ERGIC1: variants seen among roughly 807,000 people sequenced by gnomAD.
ERGIC1 encodes the protein endoplasmic reticulum-golgi intermediate compartment 1.
A neutral mutation model predicts 38.3 loss-of-function variants in ERGIC1; 19 were observed. The observed-to-expected ratio is 0.50, with a 90% CI of 0.35 to 0.73. The LOEUF is 0.73. ERGIC1 is among the 30% of genes least tolerant of loss of function. The pLI is 0.01. For synonymous variants in ERGIC1, 124 were observed against 157.6 expected (o/e 0.79, Z 1.60); for missense variants, 294 against 389.2 (o/e 0.76, Z 2.06).
chr5:172,850,649 C>T (rs569418933), intron 1 of ERGIC1, among the ~76,000 whole-genome samples: 8 of 152,224 alleles, frequency 5.3e-5, no homozygotes, highest in African/African-American at 1.9e-4. Flanking sequence ...AATGGGGATA[C>T]AACCCTGACC....
intron 1 of ERGIC1, among the ~76,000 whole-genome samples, chr5:172,884,683 G>A (rs1241407541): frequency 6.6e-6 from 1 of 152,178 alleles, no homozygotes; most frequent in African/African-American, 2.4e-5. Flanking sequence ...ATTCCAAGGA[G>A]CTCTGACTGC....
chr5:172,927,900 G>T (rs1359663893), intron 7 of ERGIC1, among the ~76,000 whole-genome samples: 48 of 152,128 alleles, frequency 3.2e-4, no homozygotes, highest in Non-Finnish European at 1.2e-4. Context: ...TTTCACTGTG[G>T]CAATAATGCC....
chr5:172,944,870 GC>G (rs1354348989), intron 9 of ERGIC1, among the ~76,000 whole-genome samples: 1 of 152,114 alleles, frequency 6.6e-6, no homozygotes, highest in Admixed American at 6.6e-5. Context: ...CCCCCTCCAG[GC>G]CCACCTTTTC....
intron 1 of ERGIC1, among the ~76,000 whole-genome samples, chr5:172,835,150 G>T (rs941683503): frequency 3.9e-5 from 6 of 152,322 alleles, no homozygotes; most frequent in Middle Eastern, 3.4e-3. Flanking sequence ...GGAAGCCTGC[G>T]GGGGAAGAGA....
At chr5:172,904,828 T>C (rs1561727698) in intron 3 of ERGIC1, among the ~76,000 whole-genome samples, 1 of 152,146 alleles carries the variant, frequency 6.6e-6, no homozygotes, top group Non-Finnish European at 1.5e-5. Context: ...GCCCAGGTGA[T>C]TGAATTGTGT....
chr5:172,919,940 A>G (rs17075382), intron 5 of ERGIC1, among the ~76,000 whole-genome samples: 3,999 of 152,212 alleles, frequency 0.026, 154 homozygotes, highest in East Asian at 0.12. Context: ...CTTTCCACAT[A>G]TTAGCTCCTT....
At chr5:172,852,434 A>G (rs770802153) in intron 1 of ERGIC1, among the ~76,000 whole-genome samples, 3 of 151,662 alleles carry the variant, frequency 2.0e-5, no homozygotes, top group Non-Finnish European at 2.9e-5. Context: ...AGTGGATGCC[A>G]GGGACCCAGG....
At chr5:172,909,243 C>T (rs1763145148) in intron 3 of ERGIC1, among the ~76,000 whole-genome samples, 1 of 145,250 alleles carries the variant, frequency 6.9e-6, no homozygotes, top group African/African-American at 2.6e-5. Flanking sequence ...AATCTCGGCT[C>T]ACTGCAACCT....
At chr5:172,887,798 G>A (rs1310656946) in intron 1 of ERGIC1, among the ~76,000 whole-genome samples, 5 of 152,212 alleles carry the variant, frequency 3.3e-5, no homozygotes, top group South Asian at 2.1e-4. Context: ...TGCTAAGACC[G>A]TGGGCTCCTG....
intron 5 of ERGIC1, among the ~76,000 whole-genome samples, chr5:172,923,601 G>C (rs974637321): frequency 6.6e-6 from 1 of 152,166 alleles, no homozygotes; most frequent in Admixed American, 6.5e-5. Context: ...AAATGATAGG[G>C]GTTTGGAGTC....
intron 2 of ERGIC1, among the ~76,000 whole-genome samples, chr5:172,894,035 T>A (rs533885028): frequency 3.5e-5 from 5 of 141,792 alleles, no homozygotes; most frequent in African/African-American, 1.3e-4. Flanking sequence ...TCACTTTTTT[T>A]ATACAGCTGG....
In ERGIC1 at chr5:172,834,396, A is replaced by T; in HGVS notation, c.-18A>T. 1.5e-6 allele frequency: 2 copies of T among 1,319,986 alleles called. No individual in the cohort carries two copies. The highest frequency in any genetic ancestry group is 1.9e-6 in the Non-Finnish European group (2 of 1,031,726). The allele number at this position is 1,319,986 out of a possible 1,614,324, so 81.8% of individuals were successfully genotyped here. ...GGCCCGCCTGGCCTGCAGCGCTCCC[A>T]CCCCCGGCGGCGGCACGATGCCCTT... On this transcript the variant is annotated 5_prime_UTR_variant, in exon 1 of 10. Coordinates refer to ENST00000393784, the MANE Select transcript of ERGIC1 (RefSeq NM_001031711.3). The surrounding 1 kb of genome is among the most constrained non-coding windows in gnomAD (Gnocchi z 4.1).
chr5:172,930,365 T>C (rs1763751887), intron 7 of ERGIC1, among the ~76,000 whole-genome samples: 1 of 151,836 alleles, frequency 6.6e-6, no homozygotes, highest in African/African-American at 2.4e-5. Flanking sequence ...ATTTTTTTTT[T>C]TTTGAGATGG....
At chr5:172,859,201 C>T (rs1761633965) in intron 1 of ERGIC1, among the ~76,000 whole-genome samples, 1 of 152,150 alleles carries the variant, frequency 6.6e-6, no homozygotes, top group Non-Finnish European at 1.5e-5. Context: ...TATGATTTTT[C>T]CTGTTTTGAT....
intron 1 of ERGIC1, among the ~76,000 whole-genome samples, chr5:172,878,635 A>T (rs773062500): frequency 6.6e-6 from 1 of 152,014 alleles, no homozygotes; most frequent in Non-Finnish European, 1.5e-5. Context: ...ACAGAGATGG[A>T]CCTTTTTTCC....
intron 1 of ERGIC1, among the ~76,000 whole-genome samples, chr5:172,853,084 T>C (rs1761453178): frequency 6.7e-6 from 1 of 148,210 alleles, no homozygotes; most frequent in South Asian, 2.2e-4. Flanking sequence ...TAGATATGAG[T>C]GTGCAAATGT....
At chr5:172,845,045 G>GGT (rs1285823531) in intron 1 of ERGIC1, among the ~76,000 whole-genome samples, 1 of 149,792 alleles carries the variant, frequency 6.7e-6, no homozygotes, top group East Asian at 1.9e-4. Context: ...GGGGTATATA[G>GGT]GGGGGACAGG....
chr5:172,926,425 G>T lies in ERGIC1; in HGVS notation c.481-84G>T, dbSNP rs1763652496. ...ATTGGTAGGGTTCCTAGACCAGGTG[G>T]TACCTGGCCATCCCCCACAACCAGG... On this transcript the variant is annotated intron_variant, in intron 6 of 9. Coordinates refer to ENST00000393784, the MANE Select transcript of ERGIC1 (RefSeq NM_001031711.3). The surrounding 1 kb of genome is among the most constrained non-coding windows in gnomAD (Gnocchi z 5.2). The T allele has an allele frequency of 6.8e-7, 1 of 1,470,744 alleles. No homozygotes were observed. Among genetic ancestry groups the T allele is most frequent in the Non-Finnish European group, 9.5e-7 (1 of 1,051,662 alleles). 91.1% of individuals were successfully genotyped at this position (1,470,744 alleles called of 1,614,324 possible). A position where few individuals can be genotyped will look rare whatever the true frequency, so the allele number is the denominator to read the frequency against.
At chr5:172,844,170 G>A (rs535491863) in intron 1 of ERGIC1, among the ~76,000 whole-genome samples, 58 of 152,288 alleles carry the variant, frequency 3.8e-4, no homozygotes, top group East Asian at 1.2e-3. Context: ...AGCCATAGAC[G>A]TCAAACACCA....
Sources: gnomAD v4.1 joint callset for allele counts (sites outside exome capture counted in the v4.1 genomes callset) on GRCh38, gnomAD v4.1.1 for gene constraint, Gnocchi (gnomAD v3.1) non-coding constraint, MANE v1.5 for transcripts, NCBI Gene and HGNC (gene_info 2026-07-23, HGNC 2026-07-21) for gene names.